Variants in HFM1 observed in about 807,000 individuals in gnomAD.
HFM1 encodes probable ATP-dependent DNA helicase HFM1.
A neutral mutation model predicts 192.1 loss-of-function variants in HFM1; 169 were observed. That is an observed-to-expected ratio of 0.88 (90% CI 0.78 to 1.00). HFM1 has a LOEUF of 1.00. Among genes scored for constraint, HFM1 ranks in the 50% least tolerant of loss-of-function variants. The pLI is 0.00. For missense variants in HFM1, 1,661 were observed against 1,668.0 expected (o/e 1.00, Z 0.07); for synonymous variants, 525 against 537.8 (o/e 0.98, Z 0.33).
intron 32 of HFM1, among the ~76,000 whole-genome samples, chr1:91,275,690 C>T (rs1463934299): frequency 2.0e-5 from 3 of 152,118 alleles, no homozygotes; most frequent in Admixed American, 6.5e-5. Context: ...GCGATTCTAC[C>T]TCTGAAAAAT....
chr1:91,328,288 G>A (rs1653228858), intron 20 of HFM1: 2 of 1,053,370 alleles, frequency 1.9e-6, no homozygotes, highest in East Asian at 2.6e-5. Context: ...GGGAAAGTGG[G>A]CTTAGGACCG....
chr1:91,314,157 T>C (rs1315354799), intron 28 of HFM1, 97 bp from the exon 29 acceptor site: 2 of 662,144 alleles, frequency 3.0e-6, no homozygotes, highest in East Asian at 5.7e-5. Context: ...TACTCTCTAG[T>C]AGTAAACTGA....
At chr1:91,352,230 A>T in intron 16 of HFM1, among the ~76,000 whole-genome samples, 1 of 133,548 alleles carries the variant, frequency 7.5e-6, no homozygotes, top group African/African-American at 2.6e-5. Flanking sequence ...TCAGAATTTA[A>T]AAAAAAAAAA....
At chr1:91,330,098 A>G (rs911135122) in intron 20 of HFM1, among the ~76,000 whole-genome samples, 4 of 152,100 alleles carry the variant, frequency 2.6e-5, no homozygotes, top group African/African-American at 9.7e-5. Context: ...AGACACTCGA[A>G]CTTGCTATGT....
chr1:91,367,923 GA>G (rs1659602682), intron 13 of HFM1, among the ~76,000 whole-genome samples: 1 of 152,196 alleles, frequency 6.6e-6, no homozygotes, highest in South Asian at 2.1e-4. Flanking sequence ...TGATGGAGCT[GA>G]AAACCACAGC....
intron 30 of HFM1, among the ~76,000 whole-genome samples, chr1:91,282,363 T>C (rs1266976896): frequency 1.3e-5 from 2 of 152,160 alleles, no homozygotes; most frequent in East Asian, 3.8e-4. Context: ...AGTTTTGTGG[T>C]TGCAATTTAA....
At chr1:91,291,241 CA>C (rs1324813715) in intron 30 of HFM1, among the ~76,000 whole-genome samples, 1 of 152,052 alleles carries the variant, frequency 6.6e-6, no homozygotes, top group African/African-American at 2.4e-5. Flanking sequence ...AAACACCCTT[CA>C]AAAAATTAAT....
At chr1:91,273,211 TG>T (rs1666479844) in intron 34 of HFM1, among the ~76,000 whole-genome samples, 1 of 151,970 alleles carries the variant, frequency 6.6e-6, no homozygotes, top group African/African-American at 2.4e-5. Flanking sequence ...AACATAGAAT[TG>T]TAAGAATCAT....
chr1:91,391,517 A>C (rs1351139696), intron 4 of HFM1, among the ~76,000 whole-genome samples: 1 of 152,260 alleles, frequency 6.6e-6, no homozygotes, highest in Non-Finnish European at 1.5e-5. Context: ...TTCCCTATTT[A>C]ATAAATGGTG....
chr1:91,328,861 G>A (rs1653349095), intron 20 of HFM1: 16 of 1,611,064 alleles, frequency 9.9e-6, no homozygotes, highest in Non-Finnish European at 1.3e-5. Flanking sequence ...TCGAGGCAGA[G>A]GCCAGCTGTG....
chr1:91,330,766 A>C (rs1055565381), intron 20 of HFM1, among the ~76,000 whole-genome samples: 9 of 152,338 alleles, frequency 5.9e-5, no homozygotes, highest in South Asian at 2.1e-4. Context: ...AAATACTAGC[A>C]AACCAAATTC....
At chr1:91,300,228 A>C (rs1648483671) in intron 30 of HFM1, among the ~76,000 whole-genome samples, 1 of 152,236 alleles carries the variant, frequency 6.6e-6, no homozygotes, top group African/African-American at 2.4e-5. Flanking sequence ...CCCAAGACTA[A>C]ACCAGGAAGA....
intron 3 of HFM1, among the ~76,000 whole-genome samples, chr1:91,395,804 G>T (rs567305748): frequency 6.6e-6 from 1 of 151,554 alleles, no homozygotes; most frequent in African/African-American, 2.4e-5. Context: ...AACTGTATGG[G>T]TTTGGCTTCA....
intron 13 of HFM1, among the ~76,000 whole-genome samples, chr1:91,366,356 T>C (rs1659312184): frequency 6.6e-6 from 1 of 152,202 alleles, no homozygotes; most frequent in Non-Finnish European, 1.5e-5. Context: ...AAAACTGCCT[T>C]CAGAGTTAAG....
At chr1:91,342,949 C>G (rs917705526) in intron 20 of HFM1, among the ~76,000 whole-genome samples, 3 of 152,034 alleles carry the variant, frequency 2.0e-5, no homozygotes, top group African/African-American at 7.2e-5. Context: ...CACCTGTGCC[C>G]AGGCACGGTG....
intron 20 of HFM1, among the ~76,000 whole-genome samples, chr1:91,339,963 G>A (rs1192750838): frequency 6.6e-6 from 1 of 152,130 alleles, no homozygotes; most frequent in Non-Finnish European, 1.5e-5. Context: ...TCTTTCAGCA[G>A]CTCTTTCAGC....
chr1:91,343,242 A>AAC (rs1553208651), intron 20 of HFM1, among the ~76,000 whole-genome samples, 188 bp downstream of exon 20: 1 of 150,820 alleles, frequency 6.6e-6, no homozygotes, highest in East Asian at 1.9e-4. Context: ...AAAAAAAAAA[A>AAC]AAAAAAAAAA....
intron 4 of HFM1, among the ~76,000 whole-genome samples, chr1:91,391,928 T>C (rs1663047956): frequency 1.3e-5 from 2 of 152,166 alleles, no homozygotes; most frequent in Non-Finnish European, 2.9e-5. Flanking sequence ...CATTAAAAAG[T>C]TGGCAAAGGA....
intron 20 of HFM1, chr1:91,329,387 G>A: frequency 6.3e-7 from 1 of 1,585,970 alleles, no homozygotes; most frequent in South Asian, 1.1e-5. Flanking sequence ...GCAGCACCCA[G>A]GGCCGCCTGG....
Sources: gnomAD v4.1 joint callset for allele counts (sites outside exome capture counted in the v4.1 genomes callset) on GRCh38, gnomAD v4.1.1 for gene constraint, MANE v1.5 for transcripts, NCBI Gene and HGNC (gene_info 2026-07-23, HGNC 2026-07-21) for gene names.